SIM2: variants seen among roughly 807,000 people sequenced by gnomAD.
SIM2 encodes SIM bHLH transcription factor 2.
SIM2 carries 28 observed loss-of-function variants against 64.8 expected under a neutral mutation model. The observed-to-expected ratio is 0.43, with a 90% confidence interval of 0.32 to 0.59. SIM2 has a LOEUF of 0.59. Among genes scored for constraint, SIM2 ranks in the 20% least tolerant of loss-of-function variants. The pLI, the probability that SIM2 is intolerant of heterozygous loss-of-function variation, is 0.07. For missense variants in SIM2, 847 were observed against 871.4 expected (o/e 0.97, Z 0.35); for synonymous variants, 408 against 391.1 (o/e 1.04, Z -0.51).
intron 1 of SIM2, among the ~76,000 whole-genome samples, chr21:36,700,392 CTCCT>C (rs1212676072): frequency 6.9e-5 from 10 of 145,222 alleles, no homozygotes; most frequent in Middle Eastern, 3.5e-3. Context: ...CTCTCCCTCC[CTCCT>C]TCCTTCCTTC....
At position 36,748,282 on chromosome 21, in the gene SIM2, G is replaced by C; in HGVS notation, c.*190G>C. On this transcript the variant is annotated 3_prime_UTR_variant, in exon 11 of 11. Coordinates refer to ENST00000290399, the MANE Select transcript of SIM2 (RefSeq NM_005069.6). Reference sequence around the variant, plus strand: ...GGTGCCGAGGGCCGAGGAGCGCCCGGGTCCGGGCAGGTGACCGCCCGCCTC... The same window carrying C: ...GGTGCCGAGGGCCGAGGAGCGCCCGCGTCCGGGCAGGTGACCGCCCGCCTC... 4.0e-6 allele frequency: 1 copy of C among 252,304 alleles called. No homozygotes were observed. The highest frequency in any genetic ancestry group is 8.0e-5 in the East Asian group (1 of 12,440). The allele number at this position is 252,304 out of a possible 1,614,324, so 15.6% of individuals were successfully genotyped here.
At chr21:36,721,417 A>T (rs1296576858) in intron 4 of SIM2, among the ~76,000 whole-genome samples, 6 of 152,160 alleles carry the variant, frequency 3.9e-5, no homozygotes, top group Non-Finnish European at 8.8e-5. Flanking sequence ...TGTTTTTGAA[A>T]ATTGCACAGT....
chr21:36,740,822 T>G (rs1012734089), intron 7 of SIM2, among the ~76,000 whole-genome samples: 2 of 152,226 alleles, frequency 1.3e-5, no homozygotes, highest in Non-Finnish European at 2.9e-5. Flanking sequence ...CAGCTGCTAG[T>G]TAGGTCCAGG....
Position 36,747,671 on chromosome 21 carries a change from C to G in SIM2, c.1583C>G (p.Ala528Gly). 2 of 1,259,330 alleles carry G rather than the reference C, an allele frequency of 1.6e-6. No individual in the cohort carries two copies. The highest frequency in any genetic ancestry group is 2.0e-6 in the Non-Finnish European group (2 of 1,002,336). The allele number at this position is 1,259,330 out of a possible 1,614,324, so 78.0% of individuals were successfully genotyped here. Reference protein sequence around the residue: ...HSLVPSYEAPAAAVRRFGEDT... With the variant: ...HSLVPSYEAPGAAVRRFGEDT... The stretch of plus-strand genomic sequence containing the variant: ...GTGTCGCCTGTCCCCGCAGCGCCCG[C>G]CGCCGCCGTGCGCAGGTTCGGCGAG... Residue 528 changes from alanine to glycine, a missense_variant, in exon 11 of 11, where the codon GCC (alanine) becomes GGC (glycine). By Grantham distance (60) the Ala-to-Gly change is moderately conservative. This residue lies in a region of SIM2 where 447 missense variants were observed against 414.6 expected (regional missense o/e 1.08). Transcript: ENST00000290399. The surrounding 1 kb of genome is among the most constrained non-coding windows in gnomAD (Gnocchi z 4.5).
chr21:36,741,010 G>C (rs1403734080), intron 7 of SIM2, among the ~76,000 whole-genome samples: 2 of 152,212 alleles, frequency 1.3e-5, no homozygotes, highest in Non-Finnish European at 2.9e-5. Context: ...CGGTGAGGTG[G>C]AATTGTGGTT....
At chr21:36,701,370 C>T (rs1323266924) in intron 1 of SIM2, 1 of 152,414 alleles carries the variant, frequency 6.6e-6, no homozygotes, top group African/African-American at 2.4e-5. Flanking sequence ...TTGTGCTGGC[C>T]GCTGGGTCTG....
Position 36,749,596 on chromosome 21 carries a change from G to A in SIM2, c.*1504G>A, listed in dbSNP as rs2089306417. 2.0e-5 allele frequency: 3 copies of A among 152,140 alleles called. No homozygotes were observed. The highest frequency in any genetic ancestry group is 4.4e-5 in the Non-Finnish European group (3 of 68,032). 9.4% of individuals were successfully genotyped at this position (152,140 alleles called of 1,614,324 possible). On this transcript the variant is annotated 3_prime_UTR_variant, in exon 11 of 11. Transcript: ENST00000290399. Reference sequence around the variant, plus strand: ...CATGCAGCGAAGGGGCTGGATGGTAGGAAGGGATGTGCCCGCCTCTCCACG... The same window carrying A: ...CATGCAGCGAAGGGGCTGGATGGTAAGAAGGGATGTGCCCGCCTCTCCACG...
rs1351063258 is a variant in SIM2 at position 36,748,705 on chromosome 21, ATT to A, written c.*614_*615del. On this transcript the variant is annotated 3_prime_UTR_variant, in exon 11 of 11. Coordinates refer to ENST00000290399, the MANE Select transcript of SIM2 (RefSeq NM_005069.6). Reference sequence around the variant, plus strand: ...CCAAGACTAAGGGGGTGACCATGCAATTCCATTTTGTGTCTGTGAACATAGGT... The same window carrying A: ...CCAAGACTAAGGGGGTGACCATGCAACCATTTTGTGTCTGTGAACATAGGT... 2 of 152,632 alleles carry A rather than the reference ATT, an allele frequency of 1.3e-5. No individual in the cohort carries two copies. The highest frequency in any genetic ancestry group is 2.9e-5 in the Non-Finnish European group (2 of 68,052). The allele number at this position is 152,632 out of a possible 1,614,324, so 9.5% of individuals were successfully genotyped here.
At chr21:36,727,394 G>T (rs555366564) in intron 6 of SIM2, among the ~76,000 whole-genome samples, 1 of 152,294 alleles carries the variant, frequency 6.6e-6, no homozygotes, top group East Asian at 1.9e-4. Context: ...TCAGGGTTTT[G>T]TGGTGTTTGT....
chr21:36,741,960 T>G, intron 8 of SIM2, 96 bp downstream of exon 8: 1 of 1,211,348 alleles, frequency 8.3e-7, no homozygotes, highest in Non-Finnish European at 1.1e-6. Context: ...TCTCTCTTTC[T>G]CAAACTGTTC....
intron 6 of SIM2, 43 bp from the exon 7 acceptor site, chr21:36,731,002 T>A (rs751583781): frequency 7.2e-7 from 1 of 1,385,630 alleles, no homozygotes; most frequent in Admixed American, 1.7e-5. Context: ...TGAAAGGCAG[T>A]CTGCAGAGTG....
rs1335670800 is a variant in SIM2, at chr21:36,726,006, A to G, written c.544-113A>G. ...GTCAGCACATTGGGCCGCACAGTGG[A>G]GTAGAGGCTGGGCTGGGAGATATTC... On this transcript the variant is annotated intron_variant, in intron 5 of 10. Coordinates refer to ENST00000290399, the MANE Select transcript of SIM2 (RefSeq NM_005069.6). This position sits in a 1 kb window ranked among gnomAD's most constrained non-coding sequence, Gnocchi z 4.5. The G allele has an allele frequency of 3.6e-6, 3 of 827,058 alleles. No homozygotes were observed. The highest frequency in any genetic ancestry group is 3.3e-5 in the African/African-American group (2 of 60,570). The allele number at this position is 827,058 out of a possible 1,614,324, so 51.2% of individuals were successfully genotyped here.
chr21:36,732,684 C>G (rs2088987122), intron 7 of SIM2, among the ~76,000 whole-genome samples: 1 of 152,214 alleles, frequency 6.6e-6, no homozygotes, highest in African/African-American at 2.4e-5. Context: ...AAATCATGAT[C>G]TCATAACCAT....
At chr21:36,733,955 A>C (rs1292291901) in intron 7 of SIM2, among the ~76,000 whole-genome samples, 1 of 152,156 alleles carries the variant, frequency 6.6e-6, no homozygotes, top group African/African-American at 2.4e-5. Context: ...TCATGGGTAG[A>C]TGCTTTCACT....
Position 36,731,082 on chromosome 21 carries a change from A to G in SIM2, c.781A>G (p.Ile261Val). The G allele has an allele frequency of 6.2e-7, 1 of 1,614,112 alleles. No individual in the cohort carries two copies. Among genetic ancestry groups the G allele is most frequent in the Non-Finnish European group, 8.5e-7 (1 of 1,180,012 alleles). ...GACGGGGTACGAGCCGCAGGACCTG[A>G]TCGAGAAGACCCTATACCATCACGT... The part of the protein sequence containing the change: ...EVTGYEPQDL[I>V]EKTLYHHVHG... The change falls in exon 7 of 11, where the codon ATC becomes GTC. Residue 261 changes from isoleucine to valine, a missense_variant. Transcript: ENST00000290399.
At chr21:36,715,692 A>C (rs1009985750) in intron 3 of SIM2, among the ~76,000 whole-genome samples, 1 of 152,252 alleles carries the variant, frequency 6.6e-6, no homozygotes, top group Non-Finnish European at 1.5e-5. Flanking sequence ...TAGATCTGCT[A>C]TAATTGTGTG....
intron 1 of SIM2, among the ~76,000 whole-genome samples, chr21:36,706,044 C>A (rs529700107): frequency 6.6e-6 from 1 of 152,308 alleles, no homozygotes; most frequent in Admixed American, 6.5e-5. Context: ...CAGGAACTAT[C>A]TCCCCGTTTG....
chr21:36,711,724 A>C (rs2123433105), intron 2 of SIM2, among the ~76,000 whole-genome samples: 1 of 152,346 alleles, frequency 6.6e-6, no homozygotes, highest in African/African-American at 2.4e-5. Context: ...TCTGGATCTA[A>C]AATATGAATG....
intron 7 of SIM2, 21 bp downstream of exon 7, chr21:36,731,172 A>T (rs1352826032): frequency 6.3e-7 from 1 of 1,590,728 alleles, no homozygotes; most frequent in African/African-American, 1.3e-5. Context: ...CGCCCACCCC[A>T]GCCACGGGAG....
Sources: gnomAD v4.1 joint callset for allele counts (sites outside exome capture counted in the v4.1 genomes callset) on GRCh38, gnomAD v4.1.1 for gene constraint, gnomAD v4.1.1 regional missense constraint, Gnocchi (gnomAD v3.1) non-coding constraint, MANE v1.5 for transcripts, NCBI Gene and HGNC (gene_info 2026-07-23, HGNC 2026-07-21) for gene names.